The following ZNF677 variants were observed in gnomAD, a reference collection of about 807,000 sequenced individuals.
The protein encoded by ZNF677 is hypothetical protein MGC48625.
In ZNF677, 5 loss-of-function variants were observed where a neutral mutation model predicts 8.1. The ratio of observed to expected loss-of-function variants is 0.62; its 90% CI spans 0.32 to 1.29. ZNF677 has a LOEUF of 1.29. ZNF677 is among the 50% of genes most tolerant of loss of function. The probability of loss-of-function intolerance (pLI) is 0.05; values close to 1 mark genes in which losing one functional copy is unlikely to be tolerated. For missense variants in ZNF677, 685 were observed against 685.9 expected (o/e 1.00, Z 0.01); for synonymous variants, 221 against 225.6 (o/e 0.98, Z 0.18).
chr19:53,254,335 C>T (rs2146978784), intron 1 of ZNF677, among the ~76,000 whole-genome samples: 1 of 152,206 alleles, frequency 6.6e-6, no homozygotes, highest in South Asian at 2.1e-4. Context: ...GGCTTCCCTT[C>T]CTCTCCTTCT....
chr19:53,237,008 A>G lies in ZNF677; in HGVS notation c.1719T>C (p.Tyr573=), dbSNP rs149465493. The G allele has an allele frequency of 4.6e-5, 73 of 1,585,958 alleles. No homozygotes were observed. The highest frequency in any genetic ancestry group is 6.2e-5 in the Non-Finnish European group (72 of 1,169,948). The change falls in exon 5 of 5, where the codon TAT becomes TAC. Residue 573 remains tyrosine (Y), a synonymous_variant. Transcript: ENST00000598513. ...KSYNREKHIK[Y]NETKIKYSSC... is the part of the protein sequence containing the mutation. ...TTGAATACTTAATTTTTGTCTCATT[A>G]TATTTGATATGTTTTTCTCTATTAT...
intron 3 of ZNF677, chr19:53,249,517 T>C (rs893279990): frequency 2.0e-5 from 3 of 152,236 alleles, no homozygotes; most frequent in Non-Finnish European, 2.9e-5. Context: ...AGTATACAAA[T>C]ATACAATTTT....
In ZNF677 at chr19:53,238,309, A is replaced by G; in HGVS notation, c.418T>C (p.Ser140Pro). 1.2e-6 allele frequency: 2 copies of G among 1,613,686 alleles called. No homozygotes were observed. The highest frequency in any genetic ancestry group is 1.7e-6 in the Non-Finnish European group (2 of 1,179,826). ...CTCTGCTTTAAAGAGAAATGTATTG[A>G]GGATTTATTATGTTGTTGATCTTTT... ...HRKDQQHNKSSIHFSLKQSVS... is the reference protein window; with the variant it reads ...HRKDQQHNKSPIHFSLKQSVS... The change falls in exon 5 of 5, where the codon TCA becomes CCA. Residue 140 changes from serine to proline, a missense_variant. By Grantham distance (74) the Ser-to-Pro change is moderately conservative. Transcript: ENST00000598513.
At chr19:53,243,984 C>T (rs1240531390) in intron 3 of ZNF677, 87 bp from the exon 4 acceptor site, 1 of 1,308,982 alleles carries the variant, frequency 7.6e-7, no homozygotes, top group South Asian at 1.5e-5. Flanking sequence ...TACATATTCA[C>T]TGATTTATGT....
At position 53,247,109 on chromosome 19, in the gene ZNF677, T is replaced by C. The variant is rs191489248; in HGVS notation, c.16-3212A>G. ...TTTATTGATTTCCAGTTTCACTCGATTGTGGTGTGAGAATAGTTTTATAAG... is the reference window on the plus strand; with the variant it reads ...TTTATTGATTTCCAGTTTCACTCGACTGTGGTGTGAGAATAGTTTTATAAG... On this transcript the variant is annotated intron_variant, in intron 3 of 4. Coordinates refer to ENST00000598513, the MANE Select transcript of ZNF677 (RefSeq NM_182609.4). Among the ~76,000 whole-genome samples the C allele has an allele frequency of 5.1e-3, 776 of 152,298 alleles. 4 individuals are homozygous for C. Among genetic ancestry groups the C allele is most frequent in the Non-Finnish European group, 7.4e-3 (500 of 68,014 alleles).
chr19:53,239,345 A>G (rs985246490), intron 4 of ZNF677: 4 of 152,230 alleles, frequency 2.6e-5, no homozygotes, highest in African/African-American at 9.6e-5. Context: ...AGGGACACAC[A>G]ATAGGAAAAA....
intron 4 of ZNF677, 24 bp downstream of exon 4, chr19:53,243,720 G>A (rs369337077): frequency 2.5e-5 from 40 of 1,613,850 alleles, no homozygotes; most frequent in African/African-American, 4.0e-5. Context: ...AAGGAAAAAT[G>A]TAAAGATGTA....
rs2090975035 is a variant in ZNF677 at position 53,236,689 on chromosome 19, T to G, written c.*283A>C. The G allele has an allele frequency of 1.7e-5, 4 of 231,548 alleles. No homozygotes were observed. Among genetic ancestry groups the G allele is most frequent in the Admixed American group, 5.0e-5 (1 of 19,918 alleles). 14.3% of individuals were successfully genotyped at this position (231,548 alleles called of 1,614,324 possible). ...AACATTGCTTAAAGGACTTGCCACA[T>G]TTGTATGGTTTCCATCCTGAATGTC... On this transcript the variant is annotated 3_prime_UTR_variant, in exon 5 of 5. Coordinates refer to ENST00000598513, the MANE Select transcript of ZNF677 (RefSeq NM_182609.4).
chr19:53,236,756 G>A lies in ZNF677; in HGVS notation c.*216C>T, dbSNP rs2090975590. ...ATAGGGTAAATATTTTTATAAAGCT[G>A]TTCACATTCATTATATTTGTAAGGC... On this transcript the variant is annotated 3_prime_UTR_variant, in exon 5 of 5. Transcript: ENST00000598513. 1 of 420,296 alleles carries A rather than the reference G, an allele frequency of 2.4e-6. No homozygotes were observed. Among genetic ancestry groups the A allele is most frequent in the Non-Finnish European group, 4.2e-6 (1 of 239,172 alleles). 26.0% of individuals were successfully genotyped at this position (420,296 alleles called of 1,614,324 possible). A position where few individuals can be genotyped will look rare whatever the true frequency, so the allele number is the denominator to read the frequency against.
Position 53,245,812 on chromosome 19 carries a change from G to T in ZNF677, c.16-1915C>A, listed in dbSNP as rs557782067. On this transcript the variant is annotated intron_variant, in intron 3 of 4. Coordinates refer to ENST00000598513, the MANE Select transcript of ZNF677 (RefSeq NM_182609.4). ...GCAGATCATGAGATCAGAAGTTCAA[G>T]ACCAGCCTGGCCAACATGGTGAAAC... 9.9e-5 allele frequency among the ~76,000 whole-genome samples: 15 copies of T among 152,146 alleles called. 2 individuals are homozygous for T. The South Asian group carries it at 3.1e-3, about 32-fold the overall frequency.
chr19:53,241,886 C>A, intron 4 of ZNF677: 1 of 398,406 alleles, frequency 2.5e-6, no homozygotes, highest in Non-Finnish European at 4.4e-6. Context: ...GTTATCACAG[C>A]AGAAAGAGAG....
intron 4 of ZNF677, chr19:53,241,986 CAATGGCGT>C (rs2091058018): frequency 8.0e-6 from 1 of 125,150 alleles, no homozygotes; most frequent in East Asian, 6.1e-4. Flanking sequence ...GGCTGGAGTG[CAATGGCGT>C]GATCTCGGCT....
At position 53,243,636 on chromosome 19, in the gene ZNF677, A is replaced by G. The variant is rs562052010; in HGVS notation, c.169+108T>C. On this transcript the variant is annotated intron_variant, in intron 4 of 4. Coordinates refer to ENST00000598513, the MANE Select transcript of ZNF677 (RefSeq NM_182609.4). ...TATGAAGCCTTTCCACTCTCAATCA[A>G]AAAGTTTCAATCTCCCCTTTTAGAA... is the stretch of plus-strand genomic sequence containing the variant. The G allele has an allele frequency of 1.4e-5, 20 of 1,479,410 alleles. No individual in the cohort carries two copies. The East Asian group carries it at 4.1e-4, about 30-fold the overall frequency. The allele number at this position is 1,479,410 out of a possible 1,614,324, so 91.6% of individuals were successfully genotyped here. A position where few individuals can be genotyped will look rare whatever the true frequency, so the allele number is the denominator to read the frequency against.
rs556783665 is a variant in ZNF677, at chr19:53,245,648, G to A, written c.16-1751C>T. Among the ~76,000 whole-genome samples, 8 of 152,252 alleles carry A rather than the reference G, an allele frequency of 5.3e-5. No individual in the cohort carries two copies. In the East Asian group the frequency reaches 1.5e-3, roughly 29 times the overall value. ...CAATGTCTAGGATGTGGAGAAAAGGGAACTGTTGTACAATGTTGGTCAGAA... is the reference window on the plus strand; with the variant it reads ...CAATGTCTAGGATGTGGAGAAAAGGAAACTGTTGTACAATGTTGGTCAGAA... On this transcript the variant is annotated intron_variant, in intron 3 of 4. Coordinates refer to ENST00000598513, the MANE Select transcript of ZNF677 (RefSeq NM_182609.4).
rs896011273 is a variant in ZNF677 at position 53,235,864 on chromosome 19, C to G, written c.*1108G>C. 6.6e-6 allele frequency: 1 copy of G among 152,224 alleles called. No individual in the cohort carries two copies. The highest frequency in any genetic ancestry group is 1.5e-5 in the Non-Finnish European group (1 of 68,080). The allele number at this position is 152,224 out of a possible 1,614,324, so 9.4% of individuals were successfully genotyped here. Reference sequence around the variant, plus strand: ...CAATAGTTTTACCTCTCTTCTGGCACAAACCCCCATGCTCTTATAGTATAT... The same window carrying G: ...CAATAGTTTTACCTCTCTTCTGGCAGAAACCCCCATGCTCTTATAGTATAT... On this transcript the variant is annotated 3_prime_UTR_variant, in exon 5 of 5. Coordinates refer to ENST00000598513, the MANE Select transcript of ZNF677 (RefSeq NM_182609.4).
rs570237808 is a variant in ZNF677 at position 53,254,857 on chromosome 19, A to C, written c.-150T>G. On this transcript the variant is annotated 5_prime_UTR_variant, in exon 1 of 5. Coordinates refer to ENST00000598513, the MANE Select transcript of ZNF677 (RefSeq NM_182609.4). ...ACCCGAGAGCGCCAGTAGCCCCGCG[A>C]GATCCGCTTCCGGGTCGGCAGGAAC... is the stretch of plus-strand genomic sequence containing the variant. The C allele has an allele frequency of 6.5e-6, 1 of 152,712 alleles. No individual in the cohort carries two copies. The highest frequency in any genetic ancestry group is 2.4e-5 in the African/African-American group (1 of 41,536). 9.5% of individuals were successfully genotyped at this position (152,712 alleles called of 1,614,324 possible). A position where few individuals can be genotyped will look rare whatever the true frequency, so the allele number is the denominator to read the frequency against.
chr19:53,238,709 G>A, intron 4 of ZNF677, 152 bp from the exon 5 acceptor site: 2 of 626,610 alleles, frequency 3.2e-6, no homozygotes, highest in South Asian at 2.8e-5. Flanking sequence ...CAACACAAAG[G>A]GACTAGCTGT....
rs1465473511 is a variant in ZNF677, at chr19:53,243,846, C to G, written c.67G>C (p.Glu23Gln). 2 of 1,613,306 alleles carry G rather than the reference C, an allele frequency of 1.2e-6. No homozygotes were observed. The highest frequency in any genetic ancestry group is 1.7e-4 in the Middle Eastern group (1 of 6,048). ...GCCCTCTGGGCAGGGTCCAGGCACT[C>G]CCACTCCTCTTGAGAGAATTCTATG... Reference protein sequence around the residue: ...VAIEFSQEEWECLDPAQRALY... With the variant: ...VAIEFSQEEWQCLDPAQRALY... The change falls in exon 4 of 5, where the codon GAG becomes CAG. Residue 23 changes from glutamate (E) to glutamine (Q), a missense_variant. By Grantham distance (29) the Glu-to-Gln change is conservative. Transcript: ENST00000598513.
At position 53,238,079 on chromosome 19, in the gene ZNF677, T is replaced by C. The variant is rs758849858; in HGVS notation, c.648A>G (p.Pro216=). ...AGGAACTATTGATAGACTTCTCAAC[T>C]GGATTACATTCATACATTTTCTCCC... ...QTGEKMYECN[P]VEKSINSSSV... The change falls in exon 5 of 5, where the codon CCA becomes CCG. Residue 216 remains proline, a synonymous_variant. Transcript: ENST00000598513. 1 of 1,614,090 alleles carries C rather than the reference T, an allele frequency of 6.2e-7. No individual in the cohort carries two copies. Among genetic ancestry groups the C allele is most frequent in the South Asian group, 1.1e-5 (1 of 91,072 alleles).
Sources: allele counts gnomAD v4.1 joint callset (sites outside exome capture counted in the v4.1 genomes callset), GRCh38; gene constraint gnomAD v4.1.1; transcripts MANE v1.5; gene names NCBI Gene and HGNC (gene_info 2026-07-23, HGNC 2026-07-21).